ATG10: variants seen among roughly 807,000 people sequenced by gnomAD.
ATG10 encodes autophagy related 10, also known as ubiquitin-like-conjugating enzyme ATG10.
In ATG10, 30 loss-of-function variants were observed where a neutral mutation model predicts 32.1. The ratio of observed to expected loss-of-function variants is 0.94; its 90% CI spans 0.70 to 1.27. The LOEUF is 1.27. Among genes scored for constraint, ATG10 ranks in the 50% most tolerant of loss-of-function variants. The probability of loss-of-function intolerance (pLI) is 0.00; values close to 1 mark genes in which losing one functional copy is unlikely to be tolerated. For missense variants in ATG10, 233 were observed against 262.3 expected (o/e 0.89, Z 0.77); for synonymous variants, 87 against 91.5 (o/e 0.95, Z 0.28).
intron 2 of ATG10, among the ~76,000 whole-genome samples, chr5:82,041,908 C>T (rs945319279): frequency 5.3e-5 from 8 of 151,610 alleles, no homozygotes; most frequent in African/African-American, 1.9e-4. Flanking sequence ...GTATATTTTT[C>T]AGTTTAGATA....
intron 2 of ATG10, among the ~76,000 whole-genome samples, chr5:82,024,134 G>C (rs1370893755): frequency 1.3e-5 from 2 of 152,172 alleles, no homozygotes; most frequent in Non-Finnish European, 2.9e-5. Context: ...TGTTAGACTG[G>C]TGAGTAGTTT....
chr5:82,223,710 C>T (rs912961413), intron 5 of ATG10, among the ~76,000 whole-genome samples: 5 of 152,024 alleles, frequency 3.3e-5, no homozygotes, highest in Admixed American at 2.0e-4. Context: ...ATGAAACAAC[C>T]TTTATAGTCT....
intron 1 of ATG10, among the ~76,000 whole-genome samples, chr5:81,979,870 A>G (rs1760987387): frequency 6.7e-6 from 1 of 149,930 alleles, no homozygotes; most frequent in Non-Finnish European, 1.5e-5. Flanking sequence ...ATCTTAGAAC[A>G]GTTTTTCAGT....
chr5:82,058,297 G>C (rs1279204988), intron 2 of ATG10, among the ~76,000 whole-genome samples, 198 bp from the exon 3 acceptor site: 3 of 152,032 alleles, frequency 2.0e-5, no homozygotes, highest in Non-Finnish European at 2.9e-5. Flanking sequence ...AAATAAGAGA[G>C]GTAGGAGAAT....
At chr5:82,128,337 T>C (rs1766365595) in intron 3 of ATG10, among the ~76,000 whole-genome samples, 1 of 152,082 alleles carries the variant, frequency 6.6e-6, no homozygotes, top group African/African-American at 2.4e-5. Context: ...AGTATGATGC[T>C]AGCTGGTTAT....
rs539867259 is a variant in ATG10 at position 82,083,484 on chromosome 5, G to T, written c.216+24882G>T. Among the ~76,000 whole-genome samples the T allele has an allele frequency of 2.3e-3, 352 of 152,296 alleles. 3 individuals carry two copies. The highest frequency in any genetic ancestry group is 8.1e-3 in the African/African-American group (337 of 41,576). The stretch of plus-strand genomic sequence containing the variant: ...GTCTGACAGCTTTGAAGAGAGTAGT[G>T]GTCCTCCCAGCACAGAGTTTGAGAT... On this transcript the variant is annotated intron_variant, in intron 3 of 7. Coordinates refer to ENST00000282185, the MANE Select transcript of ATG10 (RefSeq NM_031482.5).
intron 2 of ATG10, among the ~76,000 whole-genome samples, chr5:82,016,667 TG>T (rs1762294282): frequency 6.6e-6 from 1 of 152,074 alleles, no homozygotes; most frequent in South Asian, 2.1e-4. Flanking sequence ...AGATTGCTTT[TG>T]GCAGTGTGGT....
intron 3 of ATG10, among the ~76,000 whole-genome samples, chr5:82,063,933 A>G (rs1581651440): frequency 6.7e-6 from 1 of 148,622 alleles, no homozygotes; most frequent in East Asian, 1.9e-4. Flanking sequence ...CCCATGACAC[A>G]AATTTACCTG....
chr5:82,122,787 T>C (rs1766094444), intron 3 of ATG10, among the ~76,000 whole-genome samples: 1 of 152,144 alleles, frequency 6.6e-6, no homozygotes, highest in African/African-American at 2.4e-5. Flanking sequence ...ATTAGAGAAA[T>C]GCAAATCAAA....
At chr5:82,200,385 T>C (rs916863191) in intron 5 of ATG10, among the ~76,000 whole-genome samples, 22 of 152,048 alleles carry the variant, frequency 1.4e-4, no homozygotes, top group African/African-American at 5.3e-4. Context: ...CTAATGATGT[T>C]GAATATCTTT....
At chr5:82,243,794 A>G (rs1746904003) in intron 5 of ATG10, among the ~76,000 whole-genome samples, 1 of 152,210 alleles carries the variant, frequency 6.6e-6, no homozygotes, top group South Asian at 2.1e-4. Flanking sequence ...AACTAGCTTA[A>G]TCTAATGAAA....
chr5:82,172,143 A>T (rs1381207343), intron 4 of ATG10, among the ~76,000 whole-genome samples: 2 of 152,158 alleles, frequency 1.3e-5, no homozygotes, highest in Non-Finnish European at 2.9e-5. Flanking sequence ...GAAAGGGAAA[A>T]TTCCAGATAC....
intron 1 of ATG10, among the ~76,000 whole-genome samples, chr5:81,973,777 A>G (rs1472921458): frequency 6.6e-6 from 1 of 152,210 alleles, no homozygotes; most frequent in African/African-American, 2.4e-5. Context: ...TGACCAAAAA[A>G]TAAATCCTGA....
At chr5:82,051,081 T>C (rs1042721680) in intron 2 of ATG10, among the ~76,000 whole-genome samples, 1 of 152,152 alleles carries the variant, frequency 6.6e-6, no homozygotes, top group African/African-American at 2.4e-5. Context: ...TCTTTTAAAC[T>C]GTGCACGGGC....
chr5:82,234,324 A>G (rs1006817847), intron 5 of ATG10, among the ~76,000 whole-genome samples: 11 of 152,160 alleles, frequency 7.2e-5, no homozygotes, highest in African/African-American at 2.7e-4. Context: ...GAGACCCTTC[A>G]TCTGCTCTGT....
At chr5:82,101,323 T>C (rs1342635937) in intron 3 of ATG10, among the ~76,000 whole-genome samples, 2 of 152,148 alleles carry the variant, frequency 1.3e-5, no homozygotes, top group African/African-American at 2.4e-5. Context: ...ACATCCTTTT[T>C]CCAGACAGCA....
At chr5:82,036,941 G>A (rs1762941781) in intron 2 of ATG10, among the ~76,000 whole-genome samples, 1 of 151,448 alleles carries the variant, frequency 6.6e-6, no homozygotes, top group South Asian at 2.1e-4. Flanking sequence ...GACCATCCTG[G>A]CCAACATGGT....
chr5:81,993,336 C>CTTCTTTCTT (rs1761524764), intron 2 of ATG10, among the ~76,000 whole-genome samples: 1 of 77,674 alleles, frequency 1.3e-5, no homozygotes, highest in Non-Finnish European at 2.4e-5. Flanking sequence ...TCCTTCCTTC[C>CTTCTTTCTT]TTCTTTCTTT....
chr5:82,044,528 C>G (rs1763179465), intron 2 of ATG10, among the ~76,000 whole-genome samples: 1 of 151,912 alleles, frequency 6.6e-6, no homozygotes, highest in Non-Finnish European at 1.5e-5. Context: ...GAAAGCCAGA[C>G]ATTGTGAGTG....
Sources: gnomAD v4.1 joint callset for allele counts (sites outside exome capture counted in the v4.1 genomes callset) on GRCh38, gnomAD v4.1.1 for gene constraint, MANE v1.5 for transcripts, NCBI Gene and HGNC (gene_info 2026-07-23, HGNC 2026-07-21) for gene names.